UMAD1: variants seen among roughly 807,000 people sequenced by gnomAD.
UMAD1 encodes the protein UBAP1-MVB12-associated (UMA) domain containing 1.
In UMAD1, 8 loss-of-function variants were observed where a neutral mutation model predicts 6.1. The observed-to-expected ratio is 1.30, with a 90% confidence interval of 0.76 to 2.35. The LOEUF (loss-of-function observed/expected upper bound fraction) is 2.35. Ranked by LOEUF, UMAD1 falls within the 30% of genes most tolerant of loss-of-function variation. The pLI is 0.00. For synonymous variants in UMAD1, 56 were observed against 31.4 expected (o/e 1.78, Z -2.61); for missense variants, 130 against 78.4 (o/e 1.66, Z -2.49).
At chr7:7,774,310 G>A (rs148690766) in intron 2 of UMAD1, among the ~76,000 whole-genome samples, 11 of 152,302 alleles carry the variant, frequency 7.2e-5, no homozygotes, top group African/African-American at 2.6e-4. Context: ...ATAATGAAGA[G>A]CATTGAAGGT....
At chr7:7,719,091 G>GT (rs5882135) in intron 2 of UMAD1, among the ~76,000 whole-genome samples, 66,234 of 151,770 alleles carry the variant, frequency 0.44, 14,751 homozygotes, top group Middle Eastern at 0.55. Context: ...TTTAAGAACT[G>GT]TTTTTTTCTG....
chr7:7,663,097 C>T (rs1256491854), intron 1 of UMAD1, among the ~76,000 whole-genome samples: 1 of 151,720 alleles, frequency 6.6e-6, no homozygotes, highest in Non-Finnish European at 1.5e-5. Flanking sequence ...GTTTATAAAG[C>T]ATTAGTTACC....
intron 3 of UMAD1, among the ~76,000 whole-genome samples, chr7:7,859,663 G>A (rs1433348141): frequency 6.6e-6 from 1 of 152,188 alleles, no homozygotes; most frequent in Non-Finnish European, 1.5e-5. Context: ...GGTAGAGGCA[G>A]GGGTCATTGA....
At chr7:7,662,054 G>A (rs1785487628) in intron 1 of UMAD1, among the ~76,000 whole-genome samples, 1 of 152,206 alleles carries the variant, frequency 6.6e-6, no homozygotes, top group Admixed American at 6.5e-5. Context: ...CGGCTTTGCT[G>A]AGCTGTGGAG....
At chr7:7,663,140 T>G (rs1186459444) in intron 1 of UMAD1, among the ~76,000 whole-genome samples, 2 of 151,120 alleles carry the variant, frequency 1.3e-5, no homozygotes, top group East Asian at 3.9e-4. Context: ...TTGCCTTCTT[T>G]CCCTCTTCCC....
intron 2 of UMAD1, among the ~76,000 whole-genome samples, chr7:7,674,922 G>A (rs1433779733): frequency 1.3e-5 from 2 of 151,944 alleles, no homozygotes; most frequent in East Asian, 3.9e-4. Flanking sequence ...TTTCCACTCT[G>A]TTATATATTC....
chr7:7,734,865 C>G (rs934861647), intron 2 of UMAD1, among the ~76,000 whole-genome samples: 1 of 152,086 alleles, frequency 6.6e-6, no homozygotes, highest in African/African-American at 2.4e-5. Flanking sequence ...AGTGTATTAA[C>G]AATGCTTTGC....
chr7:7,676,656 A>G (rs970442445), intron 2 of UMAD1, among the ~76,000 whole-genome samples: 1 of 152,122 alleles, frequency 6.6e-6, no homozygotes, highest in Non-Finnish European at 1.5e-5. Flanking sequence ...TTTGGCTTTT[A>G]TTTTGGCTAA....
intron 2 of UMAD1, among the ~76,000 whole-genome samples, chr7:7,724,660 T>G (rs902923274): frequency 2.0e-5 from 3 of 152,228 alleles, no homozygotes; most frequent in Admixed American, 2.0e-4. Flanking sequence ...TCTTGGAGAA[T>G]GACAGTGGAT....
chr7:7,732,464 C>T (rs1447779495), intron 2 of UMAD1, among the ~76,000 whole-genome samples: 2 of 152,058 alleles, frequency 1.3e-5, no homozygotes, highest in African/African-American at 4.8e-5. Context: ...TCCATGTTAA[C>T]TTTAAACCTT....
At chr7:7,682,413 C>T (rs1779934154) in intron 2 of UMAD1, among the ~76,000 whole-genome samples, 1 of 152,126 alleles carries the variant, frequency 6.6e-6, no homozygotes, top group Admixed American at 6.5e-5. Context: ...ACCACATATA[C>T]ATACTTCATT....
intron 2 of UMAD1, among the ~76,000 whole-genome samples, chr7:7,721,179 C>A (rs34124547): frequency 0.09 from 13,736 of 152,214 alleles, 723 homozygotes; most frequent in African/African-American, 0.15. Flanking sequence ...ACTTGATTGA[C>A]GATTTCTAGT....
At chr7:7,840,308 A>G (rs76492033) in intron 3 of UMAD1, among the ~76,000 whole-genome samples, 3,597 of 152,228 alleles carry the variant, frequency 0.024, 159 homozygotes, top group African/African-American at 0.082. Context: ...TGGGTTGTAT[A>G]TGCTCGTGGT....
intron 2 of UMAD1, among the ~76,000 whole-genome samples, chr7:7,712,397 A>G (rs995469677): frequency 6.6e-6 from 1 of 152,148 alleles, no homozygotes; most frequent in South Asian, 2.1e-4. Context: ...TAAAATTGCC[A>G]TGCATTTTTC....
intron 2 of UMAD1, among the ~76,000 whole-genome samples, chr7:7,729,899 G>A (rs1174026968): frequency 2.0e-5 from 3 of 152,082 alleles, no homozygotes; most frequent in East Asian, 1.9e-4. Context: ...ATTCCCACTC[G>A]TTCACTGAAT....
chr7:7,808,642 G>A (rs907900300), intron 3 of UMAD1, among the ~76,000 whole-genome samples: 18 of 151,730 alleles, frequency 1.2e-4, no homozygotes, highest in African/African-American at 4.1e-4. Context: ...TAAATTTCTT[G>A]TATTTGTAAC....
At chr7:7,725,027 T>A (rs896932235) in intron 2 of UMAD1, among the ~76,000 whole-genome samples, 2 of 152,182 alleles carry the variant, frequency 1.3e-5, no homozygotes, top group Non-Finnish European at 2.9e-5. Context: ...GGTGAGACAT[T>A]TGCATGCCAG....
At chr7:7,712,013 C>A (rs1563145254) in intron 2 of UMAD1, among the ~76,000 whole-genome samples, 1 of 152,012 alleles carries the variant, frequency 6.6e-6, no homozygotes, top group Non-Finnish European at 1.5e-5. Context: ...AATTCATCTT[C>A]TTTTCTTCAC....
At chr7:7,642,122 C>T (rs372998823) in intron 1 of UMAD1, among the ~76,000 whole-genome samples, 4 of 152,064 alleles carry the variant, frequency 2.6e-5, no homozygotes, top group African/African-American at 9.7e-5. Context: ...GGAGAGTACA[C>T]ACATCAATGT....
Sources: allele counts gnomAD v4.1 joint callset (sites outside exome capture counted in the v4.1 genomes callset), GRCh38; gene constraint gnomAD v4.1.1; transcripts MANE v1.5; gene names NCBI Gene and HGNC (gene_info 2026-07-23, HGNC 2026-07-21).